The following NR5A2 variants were observed in gnomAD, a reference collection of about 807,000 sequenced individuals.
NR5A2 encodes the protein CYP7A promoter-binding factor.
Under a neutral mutation model 62.7 loss-of-function variants are expected in NR5A2, and 26 were observed. The observed-to-expected ratio is 0.41, with a 90% CI of 0.30 to 0.58. NR5A2 has a LOEUF of 0.58. NR5A2 is among the 20% of genes least tolerant of loss of function. The pLI is 0.22. For missense variants in NR5A2, 541 were observed against 669.1 expected, an observed-to-expected ratio of 0.81 and a Z score of 2.11; for synonymous variants, 246 against 241.7, an observed-to-expected ratio of 1.02 and a Z score of -0.16.
At chr1:200,086,702 A>T (rs180998744) in intron 5 of NR5A2, among the ~76,000 whole-genome samples, 1 of 152,324 alleles carries the variant, frequency 6.6e-6, no homozygotes, top group East Asian at 1.9e-4. Context: ...AAATCTCAAC[A>T]AATGTGAGTC....
chr1:200,170,047 A>G (rs1377662023), intron 7 of NR5A2, among the ~76,000 whole-genome samples: 5 of 152,230 alleles, frequency 3.3e-5, no homozygotes, highest in Admixed American at 3.3e-4. Context: ...GCAAATTTCA[A>G]AAACATGTAT....
Position 200,110,682 on chromosome 1 carries a change from G to A in NR5A2, c.1111-520G>A, listed in dbSNP as rs1014832650. Among the ~76,000 whole-genome samples, 6 of 152,156 alleles carry A rather than the reference G, an allele frequency of 3.9e-5. No individual in the cohort carries two copies. The South Asian group carries it at 8.3e-4, about 21-fold the overall frequency. On this transcript the variant is annotated intron_variant, in intron 5 of 7. Coordinates refer to ENST00000367362, the MANE Select transcript of NR5A2 (RefSeq NM_205860.3). ...TTTCAGTTAACACTGGTTACAAAACGGGCTGTGTGTCTTTGTCTCCAAAAG... is the reference window on the plus strand; with the variant it reads ...TTTCAGTTAACACTGGTTACAAAACAGGCTGTGTGTCTTTGTCTCCAAAAG...
chr1:200,145,740 C>T (rs566293973), intron 7 of NR5A2, among the ~76,000 whole-genome samples: 81 of 152,264 alleles, frequency 5.3e-4, no homozygotes, highest in African/African-American at 1.9e-3. Context: ...CAATCAGCCT[C>T]AGCCTCCTGA....
intron 5 of NR5A2, among the ~76,000 whole-genome samples, chr1:200,059,749 C>G (rs1663105567): frequency 6.6e-6 from 1 of 152,050 alleles, no homozygotes; most frequent in Non-Finnish European, 1.5e-5. Context: ...TTTTTATTTT[C>G]CAGGATAAAT....
At chr1:200,054,210 A>C (rs529668366) in intron 5 of NR5A2, 63 of 152,248 alleles carry the variant, frequency 4.1e-4, no homozygotes, top group African/African-American at 1.2e-3. Context: ...CCACTAATAA[A>C]ATTTTCTGAT....
chr1:200,169,715 T>C (rs777274903), intron 7 of NR5A2, among the ~76,000 whole-genome samples: 3 of 152,212 alleles, frequency 2.0e-5, no homozygotes, highest in African/African-American at 4.8e-5. Flanking sequence ...AAGCACAAAA[T>C]GCTCTCGCCA....
chr1:200,054,721 C>T (rs1403476559), intron 5 of NR5A2, among the ~76,000 whole-genome samples: 3 of 152,026 alleles, frequency 2.0e-5, no homozygotes, highest in South Asian at 4.1e-4. Context: ...AGGAGCAAAC[C>T]TTCTTTTTTC....
chr1:200,040,918 G>T (rs1662039378), intron 2 of NR5A2, among the ~76,000 whole-genome samples: 1 of 152,212 alleles, frequency 6.6e-6, no homozygotes, highest in African/African-American at 2.4e-5. Context: ...GGTCATCCTG[G>T]GGTCTCCCCA....
At chr1:200,118,000 C>A (rs953173989) in intron 6 of NR5A2, among the ~76,000 whole-genome samples, 4 of 146,978 alleles carry the variant, frequency 2.7e-5, no homozygotes, top group African/African-American at 7.6e-5. Flanking sequence ...AGGCATGAGC[C>A]GCCGCACCTC....
intron 5 of NR5A2, among the ~76,000 whole-genome samples, chr1:200,082,395 T>A (rs1664338724): frequency 6.6e-6 from 1 of 152,206 alleles, no homozygotes; most frequent in South Asian, 2.1e-4. Flanking sequence ...GAGAAGAACA[T>A]CACATTAGGT....
chr1:200,137,410 C>T (rs1267266983), intron 7 of NR5A2, among the ~76,000 whole-genome samples: 2 of 151,514 alleles, frequency 1.3e-5, no homozygotes, highest in Non-Finnish European at 2.9e-5. Flanking sequence ...AAGTGATCTG[C>T]CCACCTTGGC....
intron 5 of NR5A2, among the ~76,000 whole-genome samples, chr1:200,090,590 A>G (rs1664767417): frequency 6.6e-6 from 1 of 152,110 alleles, no homozygotes. Context: ...ATGGGTGTCT[A>G]CTCTTTCATT....
Position 200,060,798 on chromosome 1 carries a change from C to G in NR5A2, c.1110+11980C>G, listed in dbSNP as rs527517213. 6.1e-3 allele frequency among the ~76,000 whole-genome samples: 932 copies of G among 152,116 alleles called. 7 individuals carry two copies. The highest frequency in any genetic ancestry group is 8.9e-3 in the Non-Finnish European group (608 of 67,978). On this transcript the variant is annotated intron_variant, in intron 5 of 7. Coordinates refer to ENST00000367362, the MANE Select transcript of NR5A2 (RefSeq NM_205860.3). ...TGTCCTGGGAAGGAATAGCCAAAAG[C>G]TTTGACAAGAATAACTAAGTCTGGG...
chr1:200,075,923 GTTTA>G (rs985025700), intron 5 of NR5A2, among the ~76,000 whole-genome samples: 16 of 125,412 alleles, frequency 1.3e-4, no homozygotes, highest in East Asian at 2.4e-4. Flanking sequence ...AAACAATAGT[GTTTA>G]TTTATCATGT....
intron 5 of NR5A2, among the ~76,000 whole-genome samples, chr1:200,074,708 G>T (rs1663929988): frequency 8.4e-6 from 1 of 118,888 alleles, no homozygotes; most frequent in Non-Finnish European, 1.7e-5. Flanking sequence ...CTGCACTCCA[G>T]TCTGGGCGAC....
In NR5A2 at chr1:200,039,792, C is replaced by A; in HGVS notation, c.199C>A (p.Gln67Lys). The A allele has an allele frequency of 6.2e-7, 1 of 1,600,376 alleles. No homozygotes were observed. Among genetic ancestry groups the A allele is most frequent in the South Asian group, 1.1e-5 (1 of 90,118 alleles). The change falls in exon 2 of 8, where the codon CAA (glutamine) becomes AAA (lysine). Residue 67 changes from glutamine to lysine, a missense_variant. Gln to Lys is a moderately conservative substitution (Grantham distance 53). Transcript: ENST00000367362. This position sits in a 1 kb window ranked among gnomAD's most constrained non-coding sequence, Gnocchi z 5.1. ...ACAGGGCCAGATGCCGGAAAACATGCAAGGTAAGGAGGCGCCGCGCGGCGC... is the reference window on the plus strand; with the variant it reads ...ACAGGGCCAGATGCCGGAAAACATGAAAGGTAAGGAGGCGCCGCGCGGCGC... Reference protein sequence around the residue: ...GEQGQMPENMQVSQFKMVNYS... With the variant: ...GEQGQMPENMKVSQFKMVNYS...
intron 7 of NR5A2, among the ~76,000 whole-genome samples, chr1:200,146,237 C>A (rs939359667): frequency 2.1e-4 from 32 of 152,286 alleles, no homozygotes; most frequent in African/African-American, 7.5e-4. Flanking sequence ...TAAAGAAATT[C>A]ATCTACCTGC....
In NR5A2 at chr1:200,052,656, T is replaced by C. The variant is rs545495495; in HGVS notation, c.1110+3838T>C. On this transcript the variant is annotated intron_variant, in intron 5 of 7. Transcript: ENST00000367362. ...GACCTCTTTCTCACTCTCTTTTTTT[T>C]TTTGAGACGGAGTCTTGCTTTGTCG... Among the ~76,000 whole-genome samples, 15 of 152,252 alleles carry C rather than the reference T, an allele frequency of 9.9e-5. No homozygotes were observed. In the South Asian group the frequency reaches 2.7e-3, roughly 27 times the overall value.
At chr1:200,052,787 G>C (rs909862732) in intron 5 of NR5A2, among the ~76,000 whole-genome samples, 1 of 151,386 alleles carries the variant, frequency 6.6e-6, no homozygotes, top group Non-Finnish European at 1.5e-5. Flanking sequence ...GACTACAGGT[G>C]CCTGCCACCA....
Sources: allele counts gnomAD v4.1 joint callset (sites outside exome capture counted in the v4.1 genomes callset), GRCh38; gene constraint gnomAD v4.1.1; non-coding constraint Gnocchi (gnomAD v3.1); transcripts MANE v1.5; gene names NCBI Gene and HGNC (gene_info 2026-07-23, HGNC 2026-07-21).